Variants in ZFP92 observed in about 807,000 individuals in gnomAD.
ZFP92 encodes the protein zinc finger protein 92 homolog.
A neutral mutation model predicts 7.6 loss-of-function variants in ZFP92; 2 were observed. The ratio of observed to expected loss-of-function variants is 0.26; its 90% CI spans 0.11 to 0.83. ZFP92 has a LOEUF of 0.83. ZFP92 is among the 40% of genes least tolerant of loss of function. The probability of loss-of-function intolerance (pLI) is 0.65; values close to 1 mark genes in which losing one functional copy is unlikely to be tolerated. For missense variants in ZFP92, 324 were observed against 408.3 expected, an observed-to-expected ratio of 0.79 and a Z score of 1.78; for synonymous variants, 226 against 183.6, an observed-to-expected ratio of 1.23 and a Z score of -1.87.
chrX:153,417,629 A>G (rs1200620808), intron 2 of ZFP92, among the ~76,000 whole-genome samples: 1 of 112,086 alleles, frequency 8.9e-6, no homozygotes, highest in Non-Finnish European at 1.9e-5. Context: ...CAGCAAAAGA[A>G]GAAAAGAAAG....
rs2089017343 is a variant in ZFP92, at chrX:153,423,049, T to G, written c.*1421T>G. The G allele has an allele frequency of 9.0e-6, 1 of 111,097 alleles. No homozygotes were observed. Among genetic ancestry groups the G allele is most frequent in the African/African-American group, 3.4e-5 (1 of 29,573 alleles). The allele number at this position is 111,097 out of a possible 1,213,427, so 9.2% of individuals were successfully genotyped here. A position where few individuals can be genotyped will look rare whatever the true frequency, so the allele number is the denominator to read the frequency against. ...CTTTACTGAAAGCCAAGGGGAATTC[T>G]CAAGGAAAAGTCTCAGGGCTGGCAG... On this transcript the variant is annotated 3_prime_UTR_variant, in exon 6 of 6. Transcript: ENST00000338647.
chrX:153,418,882 T>C, intron 4 of ZFP92, 83 bp downstream of exon 4: 1 of 1,097,094 alleles, frequency 9.1e-7, no homozygotes, highest in Non-Finnish European at 1.2e-6. Context: ...GATTCCTGTT[T>C]GTCGGTTGCT....
chrX:153,416,194 G>A (rs782783837), intron 2 of ZFP92, among the ~76,000 whole-genome samples: 32 of 111,275 alleles, frequency 2.9e-4, no homozygotes, highest in African/African-American at 9.5e-4. Context: ...CCAAGGCTGC[G>A]TTCAAATCCA....
chrX:153,418,201 G>A (rs189387813), intron 2 of ZFP92, 104 bp from the exon 3 acceptor site: 2 of 927,970 alleles, frequency 2.2e-6, no homozygotes, highest in East Asian at 3.4e-5. Flanking sequence ...GGTGGCCGCT[G>A]TGCTTATTTC....
At chrX:153,411,749 G>A (rs940321582) in intron 1 of ZFP92, among the ~76,000 whole-genome samples, 46 bp downstream of exon 1, 6 of 112,811 alleles carry the variant, frequency 5.3e-5, no homozygotes, top group Non-Finnish European at 1.1e-4. Context: ...AAGCGGGTAA[G>A]GGGCCCGTCT....
intron 2 of ZFP92, among the ~76,000 whole-genome samples, chrX:153,414,850 A>G (rs1350912638): frequency 9.4e-6 from 1 of 106,186 alleles, no homozygotes; most frequent in Non-Finnish European, 1.9e-5. Flanking sequence ...CCTGTTCTGG[A>G]CAGACATGTT....
chrX:153,423,393 T>TACACACACACACAC lies in ZFP92; in HGVS notation c.*1792_*1805dup, dbSNP rs3987736. Reference sequence around the variant, plus strand: ...TAGGACAACTCCAGAAATAATGTTATACACACACACACACACACACACACA... The same window carrying TACACACACACACAC: ...TAGGACAACTCCAGAAATAATGTTATACACACACACACACACACACACACACACACACACACACA... On this transcript the variant is annotated 3_prime_UTR_variant, in exon 6 of 6. Coordinates refer to ENST00000338647, the MANE Select transcript of ZFP92 (RefSeq NM_001136273.2). The TACACACACACACAC allele has an allele frequency of 6.4e-5, 6 of 93,971 alleles. No individual in the cohort carries two copies. Among genetic ancestry groups the TACACACACACACAC allele is most frequent in the African/African-American group, 2.4e-4 (6 of 25,381 alleles). The allele number at this position is 93,971 out of a possible 1,213,427, so 7.7% of individuals were successfully genotyped here.
intron 2 of ZFP92, among the ~76,000 whole-genome samples, chrX:153,417,382 C>G (rs1223419047): frequency 8.9e-6 from 1 of 112,312 alleles, no homozygotes; most frequent in Non-Finnish European, 1.9e-5. Context: ...CAGCCTCCAG[C>G]TCTCTGCCTG....
intron 2 of ZFP92, among the ~76,000 whole-genome samples, chrX:153,413,801 C>T (rs1174250595): frequency 1.8e-5 from 2 of 112,323 alleles, no homozygotes; most frequent in African/African-American, 3.2e-5. Context: ...CAGGGTTTGT[C>T]GTGTCTTTCT....
intron 2 of ZFP92, among the ~76,000 whole-genome samples, chrX:153,415,010 C>T (rs782117511): frequency 8.9e-4 from 101 of 113,351 alleles, no homozygotes; most frequent in African/African-American, 2.9e-3. Context: ...CAGCTGGGGC[C>T]GGAAGGGGCC....
In ZFP92 at chrX:153,421,543, G is replaced by T; in HGVS notation, c.1166G>T (p.Ser389Ile). 9.0e-7 allele frequency: 1 copy of T among 1,106,532 alleles called. No individual in the cohort carries two copies. Among genetic ancestry groups the T allele is most frequent in the Non-Finnish European group, 1.2e-6 (1 of 851,448 alleles). 91.2% of individuals were successfully genotyped at this position (1,106,532 alleles called of 1,213,427 possible). Residue 389 changes from serine to isoleucine, a missense_variant, in exon 6 of 6, where the codon AGC becomes ATC. Coordinates refer to ENST00000338647, the MANE Select transcript of ZFP92 (RefSeq NM_001136273.2). ...ETARRLAGPG[S>I]TGPGSAVAAT... ...GCGCGGAGGCTAGCGGGCCCTGGGA[G>T]CACCGGCCCTGGGAGCGCGGTGGCG...
chrX:153,421,424 G>T lies in ZFP92; in HGVS notation c.1047G>T (p.Glu349Asp). Residue 349 changes from glutamate (E) to aspartate (D), a missense_variant, in exon 6 of 6, where the codon GAG becomes GAT. Physicochemically the swap from Glu to Asp is conservative, Grantham distance 45 (BLOSUM62 2). Transcript: ENST00000338647. ...TGCACAGCGGTGAGAAGCCCTACGA[G>T]TGCAGCGACTGCGGCAAGGCCTTCG... is the stretch of plus-strand genomic sequence containing the variant. ...RRVHSGEKPY[E>D]CSDCGKAFGR... 8.7e-7 allele frequency: 1 copy of T among 1,153,978 alleles called. No individual in the cohort carries two copies. Among genetic ancestry groups the T allele is most frequent in the South Asian group, 1.9e-5 (1 of 52,265 alleles).
rs781998301 is a variant in ZFP92, at chrX:153,420,395, G to T, written c.265+63G>T. On this transcript the variant is annotated intron_variant, in intron 5 of 5. Transcript: ENST00000338647. ...AAAAAGAAATAGCAGTGGCAAAGGG[G>T]GCGGGGGAGGGTACCCTGCCGCTTT... 2.2e-5 allele frequency: 22 copies of T among 1,008,807 alleles called. No homozygotes were observed. In the Admixed American group the frequency reaches 2.5e-4, roughly 11 times the overall value. The allele number at this position is 1,008,807 out of a possible 1,213,427, so 83.1% of individuals were successfully genotyped here.
chrX:153,412,069 G>A (rs2124285951), intron 2 of ZFP92, among the ~76,000 whole-genome samples, 56 bp downstream of exon 2: 1 of 113,068 alleles, frequency 8.8e-6, no homozygotes, highest in Admixed American at 9.2e-5. Flanking sequence ...CTGGCATTGT[G>A]AGGTTGTGGC....
In ZFP92 at chrX:153,421,858, C is replaced by T. The variant is rs968067792; in HGVS notation, c.*230C>T. On this transcript the variant is annotated 3_prime_UTR_variant, in exon 6 of 6. Transcript: ENST00000338647. ...CTGCCGCCTGCCCTGGCTCCTCCATCAACGGCAGTGCGGGCTGGGAATGGA... is the reference window on the plus strand; with the variant it reads ...CTGCCGCCTGCCCTGGCTCCTCCATTAACGGCAGTGCGGGCTGGGAATGGA... 3 of 315,442 alleles carry T rather than the reference C, an allele frequency of 9.5e-6. No individual in the cohort carries two copies. Among genetic ancestry groups the T allele is most frequent in the African/African-American group, 8.5e-5 (3 of 35,458 alleles). 26.0% of individuals were successfully genotyped at this position (315,442 alleles called of 1,213,427 possible).
At chrX:153,417,964 T>C (rs1383154999) in intron 2 of ZFP92, among the ~76,000 whole-genome samples, 13 of 111,679 alleles carry the variant, frequency 1.2e-4, no homozygotes, top group African/African-American at 6.5e-5. Context: ...CCAAGAAGGA[T>C]TGCTGGAAAC....
intron 2 of ZFP92, among the ~76,000 whole-genome samples, chrX:153,412,487 C>T (rs985752234): frequency 1.8e-4 from 20 of 112,592 alleles, no homozygotes; most frequent in African/African-American, 6.5e-4. Context: ...TTAGTAATTA[C>T]AGAGTCTGTT....
rs1400094868 is a variant in ZFP92, at chrX:153,424,686, G to C, written c.*3058G>C. The C allele has an allele frequency of 8.9e-6, 1 of 112,415 alleles. No individual in the cohort carries two copies. The highest frequency in any genetic ancestry group is 1.9e-5 in the Non-Finnish European group (1 of 53,275). 9.3% of individuals were successfully genotyped at this position (112,415 alleles called of 1,213,427 possible). ...CTTTGGGCTTTTGCCCTTTGAAACT[G>C]TGAATGCTTCAAGAGCCACATAAAT... On this transcript the variant is annotated 3_prime_UTR_variant, in exon 6 of 6. Transcript: ENST00000338647.
At chrX:153,412,079 C>T (rs782349548) in intron 2 of ZFP92, among the ~76,000 whole-genome samples, 66 bp downstream of exon 2, 35 of 112,978 alleles carry the variant, frequency 3.1e-4, no homozygotes, top group Admixed American at 6.5e-4. Flanking sequence ...GAGGTTGTGG[C>T]ACCGCTGCCC....
Sources: allele counts gnomAD v4.1 joint callset (sites outside exome capture counted in the v4.1 genomes callset), GRCh38; gene constraint gnomAD v4.1.1; transcripts MANE v1.5; gene names NCBI Gene and HGNC (gene_info 2026-07-23, HGNC 2026-07-21).